Variants in OPCML observed in about 807,000 individuals in gnomAD.
OPCML encodes the protein opioid-binding protein/cell adhesion molecule.
Under a neutral mutation model 37.8 loss-of-function variants are expected in OPCML, and 13 were observed. The observed-to-expected ratio is 0.34, with a 90% CI of 0.22 to 0.55. The LOEUF is 0.55. Ranked by LOEUF, OPCML falls within the 20% of genes least tolerant of loss-of-function variation. The probability of loss-of-function intolerance (pLI) is 0.91; values close to 1 mark genes in which losing one functional copy is unlikely to be tolerated. For missense variants in OPCML, 341 were observed against 435.6 expected (o/e 0.78, Z 1.93); for synonymous variants, 176 against 168.8 (o/e 1.04, Z -0.33).
intron 4 of OPCML, among the ~76,000 whole-genome samples, chr11:132,500,598 C>T (rs759107128): frequency 5.9e-5 from 9 of 152,128 alleles, no homozygotes; most frequent in Admixed American, 1.3e-4. Context: ...CTGGGATACA[C>T]GTGCAGAAGG....
intron 1 of OPCML, among the ~76,000 whole-genome samples, chr11:133,198,258 A>T (rs1938616756): frequency 6.6e-6 from 1 of 152,244 alleles, no homozygotes; most frequent in African/African-American, 2.4e-5. Flanking sequence ...ATGTGTTTTC[A>T]TAGCAAGACG....
intron 2 of OPCML, among the ~76,000 whole-genome samples, chr11:132,755,947 A>C (rs1274260162): frequency 6.6e-6 from 1 of 152,162 alleles, no homozygotes; most frequent in Non-Finnish European, 1.5e-5. Flanking sequence ...TTATCTTGCA[A>C]AAGGAAGTCT....
At chr11:133,149,886 G>C (rs1280083936) in intron 1 of OPCML, among the ~76,000 whole-genome samples, 1 of 152,214 alleles carries the variant, frequency 6.6e-6, no homozygotes, top group Non-Finnish European at 1.5e-5. Flanking sequence ...GGAGCAGGGA[G>C]GTGGTTATGC....
At chr11:132,467,141 G>A (rs1333072634) in intron 4 of OPCML, among the ~76,000 whole-genome samples, 1 of 152,170 alleles carries the variant, frequency 6.6e-6, no homozygotes, top group African/African-American at 2.4e-5. Context: ...TTATTTCTCA[G>A]CCTGCTGCAG....
rs1354038345 is a variant in OPCML at position 132,420,075 on chromosome 11, A to T, written c.*118T>A. ...AAATAAACAAAAACAAAAAGAAAAC[A>T]AATCTAGAATAACAGAAAAAAACAA... is the stretch of plus-strand genomic sequence containing the variant. On this transcript the variant is annotated 3_prime_UTR_variant, in exon 8 of 8. Coordinates refer to ENST00000524381, the MANE Select transcript of OPCML (RefSeq NM_001012393.5). 1.1e-5 allele frequency: 9 copies of T among 801,662 alleles called. No homozygotes were observed. The highest frequency in any genetic ancestry group is 1.8e-5 in the Non-Finnish European group (9 of 507,106). The allele number at this position is 801,662 out of a possible 1,614,324, so 49.7% of individuals were successfully genotyped here. A position where few individuals can be genotyped will look rare whatever the true frequency, so the allele number is the denominator to read the frequency against.
chr11:132,607,028 G>A (rs1278390231), intron 3 of OPCML, among the ~76,000 whole-genome samples: 9 of 152,132 alleles, frequency 5.9e-5, no homozygotes, highest in African/African-American at 1.9e-4. Context: ...GGCTTCTGAT[G>A]GAATTTTGTT....
In OPCML at chr11:132,570,734, G is replaced by A. The variant is rs1308460225; in HGVS notation, c.380-41548C>T. Among the ~76,000 whole-genome samples the A allele has an allele frequency of 2.5e-5, 3 of 121,898 alleles. No individual in the cohort carries two copies. The East Asian group carries it at 7.6e-4, about 31-fold the overall frequency. The allele number at this position is 121,898 out of a possible 152,430, so 80.0% of individuals were successfully genotyped here. A position where few individuals can be genotyped will look rare whatever the true frequency, so the allele number is the denominator to read the frequency against. On this transcript the variant is annotated intron_variant, in intron 3 of 7. Coordinates refer to ENST00000524381, the MANE Select transcript of OPCML (RefSeq NM_001012393.5). ...TATTTAAATATACTGAAAGAACTCA[G>A]GGGAATAGGCAGGAAAGAGAGTATA...
intron 2 of OPCML, among the ~76,000 whole-genome samples, chr11:132,888,692 C>T (rs1943520088): frequency 6.6e-6 from 1 of 152,042 alleles, no homozygotes; most frequent in Non-Finnish European, 1.5e-5. Context: ...CTGAAAATCA[C>T]CTTACCATTC....
chr11:132,704,348 A>C (rs1943950486), intron 2 of OPCML, among the ~76,000 whole-genome samples: 1 of 152,238 alleles, frequency 6.6e-6, no homozygotes, highest in Admixed American at 6.5e-5. Context: ...ACATTTAAAT[A>C]AGAGTGAAAA....
chr11:133,050,231 A>G (rs1163631697), intron 1 of OPCML, among the ~76,000 whole-genome samples: 1 of 152,136 alleles, frequency 6.6e-6, no homozygotes, highest in Non-Finnish European at 1.5e-5. Context: ...CCACCCTAAG[A>G]ACTTTGGTCT....
chr11:132,684,989 C>T (rs1943106768), intron 2 of OPCML, among the ~76,000 whole-genome samples: 2 of 152,180 alleles, frequency 1.3e-5, no homozygotes, highest in Admixed American at 6.5e-5. Flanking sequence ...CCACCTTCAC[C>T]TAAATACTAA....
At chr11:133,309,386 C>T (rs564478474) in intron 1 of OPCML, among the ~76,000 whole-genome samples, 1 of 152,122 alleles carries the variant, frequency 6.6e-6, no homozygotes, top group East Asian at 1.9e-4. Context: ...CAGTTAAATC[C>T]CAATTGTGGA....
intron 1 of OPCML, among the ~76,000 whole-genome samples, chr11:133,125,909 GAC>G (rs1373348930): frequency 7.6e-5 from 11 of 144,142 alleles, no homozygotes; most frequent in Non-Finnish European, 1.4e-4. Flanking sequence ...TGTATATATA[GAC>G]ACACGTATAT....
chr11:133,207,299 C>T (rs1224043778), intron 1 of OPCML, among the ~76,000 whole-genome samples: 1 of 151,900 alleles, frequency 6.6e-6, no homozygotes, highest in Non-Finnish European at 1.5e-5. Flanking sequence ...GACTCCATCT[C>T]AAAAACAAAA....
At chr11:132,563,581 A>G (rs1294733559) in intron 3 of OPCML, among the ~76,000 whole-genome samples, 1 of 151,726 alleles carries the variant, frequency 6.6e-6, no homozygotes, top group Admixed American at 6.6e-5. Context: ...TTAATTGTTC[A>G]TTTTAAATTG....
At chr11:132,619,698 A>T (rs1026248374) in intron 3 of OPCML, among the ~76,000 whole-genome samples, 1 of 151,302 alleles carries the variant, frequency 6.6e-6, no homozygotes, top group South Asian at 2.1e-4. Context: ...AAAAAAAAAA[A>T]AAAATTAGCC....
intron 7 of OPCML, among the ~76,000 whole-genome samples, chr11:132,433,364 A>C (rs1390295737): frequency 6.6e-6 from 1 of 152,172 alleles, no homozygotes; most frequent in Admixed American, 6.5e-5. Context: ...GAGTGGACTC[A>C]GGCCTGTGGT....
At chr11:132,828,166 T>C (rs923608381) in intron 2 of OPCML, among the ~76,000 whole-genome samples, 3 of 152,104 alleles carry the variant, frequency 2.0e-5, no homozygotes, top group African/African-American at 4.8e-5. Context: ...TACTATATAG[T>C]CCCAACTGTA....
At chr11:133,447,198 CTT>C (rs1565638634) in intron 1 of OPCML, among the ~76,000 whole-genome samples, 1 of 152,098 alleles carries the variant, frequency 6.6e-6, no homozygotes, top group East Asian at 1.9e-4. Context: ...CTTGTCAGCT[CTT>C]GTTATTGTCT....
Sources: gnomAD v4.1 joint callset for allele counts (sites outside exome capture counted in the v4.1 genomes callset) on GRCh38, gnomAD v4.1.1 for gene constraint, MANE v1.5 for transcripts, NCBI Gene and HGNC (gene_info 2026-07-23, HGNC 2026-07-21) for gene names.